The following LRRC3B variants were observed in gnomAD, a reference collection of about 807,000 sequenced individuals.
The protein encoded by LRRC3B is leucine rich repeat containing 3B.
LRRC3B carries 2 observed loss-of-function variants against 12.8 expected under a neutral mutation model. The ratio of observed to expected loss-of-function variants is 0.16; its 90% CI spans 0.06 to 0.49. The LOEUF is 0.49. Among genes scored for constraint, LRRC3B ranks in the 20% least tolerant of loss-of-function variants. The pLI is 0.96. For missense variants in LRRC3B, 189 were observed against 319.4 expected, an observed-to-expected ratio of 0.59 and a Z score of 3.11; for synonymous variants, 132 against 122.0, an observed-to-expected ratio of 1.08 and a Z score of -0.54.
At chr3:26,668,469 A>G (rs1215185603) in intron 1 of LRRC3B, among the ~76,000 whole-genome samples, 2 of 152,146 alleles carry the variant, frequency 1.3e-5, no homozygotes, top group Non-Finnish European at 2.9e-5. Flanking sequence ...TCTGGCCAGA[A>G]ACTTAGTTTT....
intron 1 of LRRC3B, among the ~76,000 whole-genome samples, chr3:26,691,097 G>GTATATATA (rs1270727731): frequency 1.3e-4 from 7 of 52,570 alleles, no homozygotes; most frequent in African/African-American, 5.0e-4. Flanking sequence ...GTATATGTGT[G>GTATATATA]TGTGTGTGTA....
chr3:26,627,771 A>G (rs1323677738), intron 1 of LRRC3B, among the ~76,000 whole-genome samples: 1 of 152,188 alleles, frequency 6.6e-6, no homozygotes, highest in Non-Finnish European at 1.5e-5. Context: ...TGCAAGTAGG[A>G]AAAACTTGCA....
intron 1 of LRRC3B, among the ~76,000 whole-genome samples, chr3:26,707,832 A>C (rs957640806): frequency 6.6e-6 from 1 of 151,920 alleles, no homozygotes; most frequent in Non-Finnish European, 1.5e-5. Context: ...CATGCAATAC[A>C]GTTTTGAAGG....
In LRRC3B at chr3:26,671,413, G is replaced by GAGAGACAC. The variant is rs9331540; in HGVS notation, c.-160-38099_-160-38098insGAGACACA. ...AGAGAGAGAGAGAGAGAGAGAGAGAGACGAAGTCTTGCTCTGTCGCCAGGC... is the reference window on the plus strand; with the variant it reads ...AGAGAGAGAGAGAGAGAGAGAGAGAGAGAGACACACGAAGTCTTGCTCTGTCGCCAGGC... On this transcript the variant is annotated intron_variant, in intron 1 of 1. Transcript: ENST00000396641. 4.5e-4 allele frequency among the ~76,000 whole-genome samples: 45 copies of GAGAGACAC among 99,398 alleles called. 1 individual carries two copies. Among genetic ancestry groups the GAGAGACAC allele is most frequent in the Non-Finnish European group, 6.4e-4 (33 of 51,294 alleles). 65.2% of individuals were successfully genotyped at this position (99,398 alleles called of 152,430 possible). A position where few individuals can be genotyped will look rare whatever the true frequency, so the allele number is the denominator to read the frequency against.
At chr3:26,651,776 T>C (rs1473466841) in intron 1 of LRRC3B, among the ~76,000 whole-genome samples, 1 of 152,216 alleles carries the variant, frequency 6.6e-6, no homozygotes, top group African/African-American at 2.4e-5. Context: ...TTGAAGTAGA[T>C]GGCAATTGCC....
chr3:26,654,359 G>C (rs373768760), intron 1 of LRRC3B, among the ~76,000 whole-genome samples: 1 of 152,118 alleles, frequency 6.6e-6, no homozygotes, highest in South Asian at 2.1e-4. Context: ...AGAGAGCTCT[G>C]GAAAACATCC....
intron 1 of LRRC3B, among the ~76,000 whole-genome samples, chr3:26,697,118 A>T (rs1472122567): frequency 6.6e-6 from 1 of 152,156 alleles, no homozygotes; most frequent in Non-Finnish European, 1.5e-5. Flanking sequence ...TTCTCCATTT[A>T]CTACTCTATT....
intron 1 of LRRC3B, among the ~76,000 whole-genome samples, chr3:26,671,090 A>C (rs1699712767): frequency 8.0e-6 from 1 of 125,076 alleles, no homozygotes. Flanking sequence ...ATCTCGGCTC[A>C]CTGCAAGCTC....
intron 1 of LRRC3B, chr3:26,624,779 T>C (rs1698586869): frequency 6.6e-6 from 1 of 152,288 alleles, no homozygotes; most frequent in Non-Finnish European, 1.5e-5. Context: ...GGTAGATTCT[T>C]CTTGTGGCTC....
chr3:26,685,431 C>G (rs1379961340), intron 1 of LRRC3B, among the ~76,000 whole-genome samples: 1 of 148,122 alleles, frequency 6.8e-6, no homozygotes, highest in Non-Finnish European at 1.5e-5. Flanking sequence ...TTACATTTCT[C>G]TGAATCTTAG....
intron 1 of LRRC3B, among the ~76,000 whole-genome samples, chr3:26,658,142 A>G (rs1244439733): frequency 1.3e-5 from 2 of 152,118 alleles, no homozygotes; most frequent in Non-Finnish European, 2.9e-5. Context: ...CAGTGGCACC[A>G]TCTTGGCTAC....
intron 1 of LRRC3B, among the ~76,000 whole-genome samples, chr3:26,645,824 G>A (rs1699132206): frequency 1.3e-5 from 2 of 152,132 alleles, no homozygotes; most frequent in Admixed American, 1.3e-4. Context: ...GTTCTCTGAG[G>A]AGATGGCCAA....
At chr3:26,695,574 T>A (rs1413799573) in intron 1 of LRRC3B, among the ~76,000 whole-genome samples, 1 of 152,144 alleles carries the variant, frequency 6.6e-6, no homozygotes, top group African/African-American at 2.4e-5. Flanking sequence ...TTTTTTGCTG[T>A]AACAGACAGT....
chr3:26,705,162 A>T (rs1271583727), intron 1 of LRRC3B, among the ~76,000 whole-genome samples: 1 of 152,200 alleles, frequency 6.6e-6, no homozygotes, highest in Non-Finnish European at 1.5e-5. Flanking sequence ...TCAGTGAATG[A>T]ACACCCTGTT....
chr3:26,635,976 A>T (rs1241119202), intron 1 of LRRC3B, among the ~76,000 whole-genome samples: 6 of 152,330 alleles, frequency 3.9e-5, no homozygotes, highest in Admixed American at 3.3e-4. Context: ...GGATGCGCAT[A>T]CACACACATA....
intron 1 of LRRC3B, among the ~76,000 whole-genome samples, chr3:26,688,890 G>A (rs1203310508): frequency 7.2e-5 from 11 of 152,306 alleles, no homozygotes; most frequent in Non-Finnish European, 1.5e-4. Context: ...GGCAAGCACA[G>A]CATTTCCACA....
intron 1 of LRRC3B, among the ~76,000 whole-genome samples, chr3:26,685,509 CTCTCTCTCTCTCTCTATA>C (rs1336061674): frequency 5.1e-3 from 258 of 51,064 alleles, no homozygotes; most frequent in Non-Finnish European, 6.3e-3. Context: ...CTCTCTCTCT[CTCTCTCTCTCTCTCTATA>C]TATATATATA....
chr3:26,636,968 TTCTTTC>T (rs1338590450), intron 1 of LRRC3B, among the ~76,000 whole-genome samples: 7 of 66,252 alleles, frequency 1.1e-4, no homozygotes, highest in Admixed American at 5.7e-4. Context: ...CTTTCTTTCT[TTCTTTC>T]TCTCTCTCTC....
intron 1 of LRRC3B, among the ~76,000 whole-genome samples, chr3:26,644,424 A>G (rs1283187053): frequency 6.6e-6 from 1 of 152,204 alleles, no homozygotes; most frequent in Non-Finnish European, 1.5e-5. Flanking sequence ...CATATTGGTC[A>G]TACCTGGTAC....
Sources: gnomAD v4.1 joint callset for allele counts (sites outside exome capture counted in the v4.1 genomes callset) on GRCh38, gnomAD v4.1.1 for gene constraint, MANE v1.5 for transcripts, NCBI Gene and HGNC (gene_info 2026-07-23, HGNC 2026-07-21) for gene names.